The following URB1 variants were observed in gnomAD, a reference collection of about 807,000 sequenced individuals.
The protein encoded by URB1 is nucleolar pre-ribosomal-associated protein 1.
A neutral mutation model predicts 242.3 loss-of-function variants in URB1; 197 were observed. That is an observed-to-expected ratio of 0.81 (90% CI 0.72 to 0.91). The LOEUF is 0.91. Ranked by LOEUF, URB1 falls within the 40% of genes least tolerant of loss-of-function variation. URB1 has a pLI of 0.00. For missense variants in URB1, 2,721 were observed against 2,860.5 expected (o/e 0.95, Z 1.11); for synonymous variants, 1,153 against 1,201.8 (o/e 0.96, Z 0.84).
chr21:32,339,737 C>T (rs543753678), intron 25 of URB1, among the ~76,000 whole-genome samples: 126 of 152,232 alleles, frequency 8.3e-4, no homozygotes, highest in African/African-American at 2.7e-3. Flanking sequence ...GTGATCCGCC[C>T]GCCTCAGCCT....
chr21:32,379,061 C>T lies in URB1; in HGVS notation c.568-520G>A, dbSNP rs79318210. 2.7e-4 allele frequency among the ~76,000 whole-genome samples: 41 copies of T among 152,346 alleles called. No individual in the cohort carries two copies. In the East Asian group the frequency reaches 6.8e-3, roughly 25 times the overall value. ...CATACCACAAACCAAAGCACAGATG[C>T]TGTCACGTTACTAACCCTGTTAGGC... On this transcript the variant is annotated intron_variant, in intron 4 of 38. Coordinates refer to ENST00000382751, the MANE Select transcript of URB1 (RefSeq NM_014825.3).
intron 29 of URB1, 118 bp downstream of exon 29, chr21:32,334,042 TATG>T: frequency 1.6e-6 from 2 of 1,259,292 alleles, no homozygotes; most frequent in Non-Finnish European, 2.2e-6. Context: ...TACCTTTATA[TATG>T]ATAAGATTCT....
At chr21:32,343,823 A>G (rs1359808684) in intron 24 of URB1, among the ~76,000 whole-genome samples, 1 of 152,178 alleles carries the variant, frequency 6.6e-6, no homozygotes, top group Non-Finnish European at 1.5e-5. Flanking sequence ...CCCAAAGTAC[A>G]AGAAACTTGA....
intron 25 of URB1, 47 bp downstream of exon 25, chr21:32,341,419 C>CA: frequency 6.5e-7 from 1 of 1,533,496 alleles, no homozygotes; most frequent in Non-Finnish European, 8.8e-7. Flanking sequence ...TGCTGAACGA[C>CA]ATTCACACCT....
intron 27 of URB1, 106 bp from the exon 28 acceptor site, chr21:32,337,263 A>C (rs1288366586): frequency 7.3e-7 from 1 of 1,370,732 alleles, no homozygotes. Flanking sequence ...CCCGGTCCTC[A>C]TATCTTCACC....
rs576824248 is a variant in URB1, at chr21:32,362,581, C to T, written c.1510-560G>A. On this transcript the variant is annotated intron_variant, in intron 11 of 38. Transcript: ENST00000382751. Reference sequence around the variant, plus strand: ...AACAGGCAAGTGCTGATCATTAAAACGAACCCCTTAAACCTCATTCACCTA... The same window carrying T: ...AACAGGCAAGTGCTGATCATTAAAATGAACCCCTTAAACCTCATTCACCTA... Among the ~76,000 whole-genome samples the T allele has an allele frequency of 5.3e-5, 8 of 152,288 alleles. No individual in the cohort carries two copies. In the South Asian group the frequency reaches 6.2e-4, roughly 12 times the overall value.
At chr21:32,377,680 C>T (rs552588953) in intron 5 of URB1, among the ~76,000 whole-genome samples, 1 of 152,298 alleles carries the variant, frequency 6.6e-6, no homozygotes, top group African/African-American at 2.4e-5. Flanking sequence ...CCTAAATCGT[C>T]CCGGCAGTCA....
chr21:32,392,371 A>T (rs1601164198), intron 1 of URB1, among the ~76,000 whole-genome samples: 1 of 152,220 alleles, frequency 6.6e-6, no homozygotes, highest in Non-Finnish European at 1.5e-5. Flanking sequence ...AAGCTATTGA[A>T]AACGGTGCTG....
chr21:32,378,509 C>A lies in URB1; in HGVS notation c.600G>T (p.Gln200His). ...GVYDVRQAYV[Q>H]FALSFLIAGD... is the part of the protein sequence containing the mutation. ...CCGCAATTAAAAAGGAGAGAGCAAACTGAACGTAGGCCTGCCGAACGTCGT... is the reference window on the plus strand; with the variant it reads ...CCGCAATTAAAAAGGAGAGAGCAAAATGAACGTAGGCCTGCCGAACGTCGT... The change falls in exon 5 of 39, where the codon CAG (glutamine) becomes CAT (histidine). Residue 200 changes from glutamine (Q) to histidine (H), a missense_variant. Physicochemically the swap from Gln to His is conservative, Grantham distance 24 (BLOSUM62 0). Transcript: ENST00000382751. 1 of 1,551,694 alleles carries A rather than the reference C, an allele frequency of 6.4e-7. No homozygotes were observed. Among genetic ancestry groups the A allele is most frequent in the Non-Finnish European group, 8.7e-7 (1 of 1,147,000 alleles).
intron 31 of URB1, 105 bp from the exon 32 acceptor site, chr21:32,324,707 T>C (rs1258471225): frequency 2.3e-5 from 18 of 788,714 alleles, no homozygotes; most frequent in Non-Finnish European, 3.8e-5. Context: ...TGTGCCTGCT[T>C]CTCATATCCC....
chr21:32,366,281 T>C (rs1442187177), intron 10 of URB1, among the ~76,000 whole-genome samples: 3 of 152,164 alleles, frequency 2.0e-5, no homozygotes, highest in Non-Finnish European at 2.9e-5. Flanking sequence ...AATGATAAAC[T>C]TTCTTTCTTC....
intron 1 of URB1, among the ~76,000 whole-genome samples, chr21:32,387,920 T>C (rs997248091): frequency 2.0e-5 from 3 of 152,172 alleles, no homozygotes; most frequent in African/African-American, 7.2e-5. Context: ...TCGAGATCCT[T>C]CTGTGTTCAG....
At chr21:32,319,592 C>T (rs556173001) in intron 35 of URB1, among the ~76,000 whole-genome samples, 178 bp from the exon 36 acceptor site, 20 of 152,344 alleles carry the variant, frequency 1.3e-4, no homozygotes, top group Non-Finnish European at 2.5e-4. Context: ...ACCGTCCTAA[C>T]AGAAGATTGC....
intron 34 of URB1, among the ~76,000 whole-genome samples, chr21:32,320,899 C>T (rs1433979543): frequency 6.6e-6 from 1 of 152,220 alleles, no homozygotes; most frequent in Non-Finnish European, 1.5e-5. Context: ...CTGGAACCCA[C>T]CCACAAGCAA....
chr21:32,358,624 A>C (rs1304881561), intron 14 of URB1, among the ~76,000 whole-genome samples: 1 of 152,196 alleles, frequency 6.6e-6, no homozygotes, highest in Non-Finnish European at 1.5e-5. Context: ...ATATAAGCAT[A>C]AGGTGGGGCG....
rs2033066789 is a variant in URB1, at chr21:32,344,770, TGA to T, written c.4071-16_4071-15del. The T allele has an allele frequency of 6.5e-7, 1 of 1,548,482 alleles. No individual in the cohort carries two copies. The highest frequency in any genetic ancestry group is 1.4e-5 in the African/African-American group (1 of 73,072). ...GCCACGATCCACCTGCAGCAGGAGATGAGAGTCAGAGACAGAGAGCAGGTTTA... is the reference window on the plus strand; with the variant it reads ...GCCACGATCCACCTGCAGCAGGAGATGAGTCAGAGACAGAGAGCAGGTTTA... On this transcript the variant is annotated splice_polypyrimidine_tract_variant and intron_variant, in intron 23 of 38. Coordinates refer to ENST00000382751, the MANE Select transcript of URB1 (RefSeq NM_014825.3).
chr21:32,377,044 G>A, intron 5 of URB1: 2 of 390,626 alleles, frequency 5.1e-6, no homozygotes, highest in Non-Finnish European at 9.9e-6. Context: ...TGGATAGTTA[G>A]AAGACCCATT....
chr21:32,347,195 A>G lies in URB1; in HGVS notation c.3629T>C (p.Leu1210Pro). 1 of 1,550,118 alleles carries G rather than the reference A, an allele frequency of 6.5e-7. No homozygotes were observed. The highest frequency in any genetic ancestry group is 2.4e-5 in the East Asian group (1 of 40,908). Residue 1210 changes from leucine to proline, a missense_variant, in exon 22 of 39, where the codon CTG (leucine) becomes CCG (proline). Leu to Pro is a moderately conservative substitution (Grantham distance 98). Coordinates refer to ENST00000382751, the MANE Select transcript of URB1 (RefSeq NM_014825.3). ...LLHTLQRDPV[L>P]APAVGADLLD... ...CAGATCAGCCCCGACTGCGGGGGCC[A>G]GCACAGGGTCTCTCTGCAGAGTGTG...
intron 1 of URB1, among the ~76,000 whole-genome samples, chr21:32,387,187 C>A (rs1408349715): frequency 1.3e-5 from 2 of 152,182 alleles, no homozygotes; most frequent in African/African-American, 4.8e-5. Flanking sequence ...TCCCCTACCA[C>A]TGACACCTGA....
Sources: allele counts gnomAD v4.1 joint callset (sites outside exome capture counted in the v4.1 genomes callset), GRCh38; gene constraint gnomAD v4.1.1; transcripts MANE v1.5; gene names NCBI Gene and HGNC (gene_info 2026-07-23, HGNC 2026-07-21).